The following RSRP1 variants were observed in gnomAD, a reference collection of about 807,000 sequenced individuals.
The protein encoded by RSRP1 is arginine and serine rich protein 1.
RSRP1 carries 37 observed loss-of-function variants against 33.0 expected under a neutral mutation model. The observed-to-expected ratio is 1.12, with a 90% CI of 0.86 to 1.48. RSRP1 has a LOEUF of 1.48. Among genes scored for constraint, RSRP1 ranks in the 40% most tolerant of loss-of-function variants. The probability of loss-of-function intolerance (pLI) is 0.00; values close to 1 mark genes in which losing one functional copy is unlikely to be tolerated. For missense variants in RSRP1, 402 were observed against 385.3 expected (o/e 1.04, Z -0.36); for synonymous variants, 167 against 158.7 (o/e 1.05, Z -0.40).
chr1:25,305,687 G>A lies in RSRP1; in HGVS notation c.-67+32291C>T, dbSNP rs1249730583. Reference sequence around the variant, plus strand: ...GCCATCTCAGCTTACTGCAAGCTCCGCCTCCCGGGTTCACACCATTCTCCT... The same window carrying A: ...GCCATCTCAGCTTACTGCAAGCTCCACCTCCCGGGTTCACACCATTCTCCT... On this transcript the variant is annotated intron_variant, in intron 1 of 1. Coordinates refer to the RSRP1 transcript ENST00000561867. 2.3e-5 allele frequency among the ~76,000 whole-genome samples: 3 copies of A among 128,384 alleles called. 1 individual carries two copies. The highest frequency in any genetic ancestry group is 1.8e-5 in the Non-Finnish European group (1 of 54,820). The allele number at this position is 128,384 out of a possible 152,430, so 84.2% of individuals were successfully genotyped here.
chr1:25,291,149 C>CAGAT lies in RSRP1; in HGVS notation c.-66-44124_-66-44121dup, dbSNP rs1306474266. ...CTAAATAAATAGGTAGGTGGATAGA[C>CAGAT]AGATAGATAGATAGACAGACAGACA... On this transcript the variant is annotated intron_variant, in intron 1 of 1. Coordinates refer to the RSRP1 transcript ENST00000561867. Among the ~76,000 whole-genome samples, 10 of 123,446 alleles carry CAGAT rather than the reference C, an allele frequency of 8.1e-5. 3 individuals are homozygous for CAGAT. Among genetic ancestry groups the CAGAT allele is most frequent in the Non-Finnish European group, 1.3e-4 (7 of 54,580 alleles). The allele number at this position is 123,446 out of a possible 152,430, so 81.0% of individuals were successfully genotyped here.
At chr1:25,280,011 G>A (rs1250870438) in intron 1 of RSRP1, among the ~76,000 whole-genome samples, 1 of 130,068 alleles carries the variant, frequency 7.7e-6, no homozygotes, top group Non-Finnish European at 1.8e-5. Context: ...ATGGATGGGT[G>A]GAAATGGGCC....
Position 25,246,796 on chromosome 1 carries a change from C to A in RSRP1, c.168G>T (p.Arg56Ser). 6.2e-7 allele frequency: 1 copy of A among 1,613,560 alleles called. No homozygotes were observed. The highest frequency in any genetic ancestry group is 8.5e-7 in the Non-Finnish European group (1 of 1,179,758). The change falls in exon 2 of 5, where the codon AGG (arginine) becomes AGT (serine). Residue 56 changes from arginine (R) to serine (S), a missense_variant. Physicochemically the swap from Arg to Ser is moderately radical, Grantham distance 110. Coordinates refer to ENST00000243189, the MANE Select transcript of RSRP1 (RefSeq NM_020317.5). ...GGGACCTGGACTTGCTCCTCCGACTCCTGGACGAAAACCGGCTCGAGACGC... is the reference window on the plus strand; with the variant it reads ...GGGACCTGGACTTGCTCCTCCGACTACTGGACGAAAACCGGCTCGAGACGC... Reference protein sequence around the residue: ...HSRVSSRFSSRSRRSKSRSRS... With the variant: ...HSRVSSRFSSSSRRSKSRSRS...
chr1:25,272,784 C>T (rs1640603056), intron 1 of RSRP1: 1 of 1,319,060 alleles, frequency 7.6e-7, no homozygotes, highest in Non-Finnish European at 1.1e-6. Context: ...CACAGATGTT[C>T]CTTTCTACAA....
In RSRP1 at chr1:25,319,391, G is replaced by A. The variant is rs771998020; in HGVS notation, c.-67+18587C>T. 3.0e-5 allele frequency among the ~76,000 whole-genome samples: 4 copies of A among 132,158 alleles called. 1 individual carries two copies. Among genetic ancestry groups the A allele is most frequent in the African/African-American group, 5.1e-5 (2 of 38,866 alleles). The allele number at this position is 132,158 out of a possible 152,430, so 86.7% of individuals were successfully genotyped here. On this transcript the variant is annotated intron_variant, in intron 1 of 1. Transcript: ENST00000561867. ...AGCACCTTGGGAAGCTGAGGTGGGA[G>A]AATAGCTTGAGGCCAGGAGTTCAAG...
chr1:25,281,649 C>T (rs628336), intron 1 of RSRP1, among the ~76,000 whole-genome samples: 7 of 130,856 alleles, frequency 5.3e-5, no homozygotes, highest in East Asian at 2.0e-4. Context: ...TGTCCCCTGG[C>T]CACACACCCC....
chr1:25,337,990 G>A (rs1645112990), exon 1 of RSRP1: 1 of 152,318 alleles, frequency 6.6e-6, no homozygotes, highest in South Asian at 2.1e-4. Context: ...TTTGCACCAC[G>A]CGGGACCCGG....
At chr1:25,299,150 G>A (rs1182383336) in intron 1 of RSRP1, among the ~76,000 whole-genome samples, 1 of 126,882 alleles carries the variant, frequency 7.9e-6, no homozygotes, top group African/African-American at 2.7e-5. Flanking sequence ...GGGAGGCCAA[G>A]GCGGATGGAT....
intron 1 of RSRP1, chr1:25,322,025 G>A: frequency 2.3e-6 from 2 of 865,396 alleles, no homozygotes; most frequent in Non-Finnish European, 3.9e-6. Flanking sequence ...ACATACCTGA[G>A]TATATATGTT....
intron 1 of RSRP1, among the ~76,000 whole-genome samples, chr1:25,309,580 G>T (rs141193172): frequency 0.017 from 2,232 of 131,766 alleles, 583 homozygotes; most frequent in Non-Finnish European, 0.027. Context: ...AATTTTAATA[G>T]CATCTCTGGA....
intron 1 of RSRP1, among the ~76,000 whole-genome samples, chr1:25,298,310 G>C (rs1185606106): frequency 8.1e-6 from 1 of 122,790 alleles, no homozygotes; most frequent in African/African-American, 2.6e-5. Flanking sequence ...TCTTCATAAC[G>C]ATTGCTTTAA....
At chr1:25,303,454 C>T (rs1643552167) in intron 1 of RSRP1, 1 of 1,379,164 alleles carries the variant, frequency 7.3e-7, no homozygotes, top group Non-Finnish European at 1.0e-6. Flanking sequence ...AGCCAAGTAC[C>T]TGCCGGTAAG....
At position 25,278,500 on chromosome 1, in the gene RSRP1, G is replaced by A. The variant is rs1371864792; in HGVS notation, c.-66-31471C>T. Among the ~76,000 whole-genome samples the A allele has an allele frequency of 3.8e-5, 5 of 131,852 alleles. 2 individuals carry two copies. Among genetic ancestry groups the A allele is most frequent in the African/African-American group, 7.8e-5 (3 of 38,678 alleles). The allele number at this position is 131,852 out of a possible 152,430, so 86.5% of individuals were successfully genotyped here. ...GTTCAGCTGGGCAGTTCTTCTGTTA[G>A]TTTCACCCAGGGTCATTCATGCATC... is the stretch of plus-strand genomic sequence containing the variant. On this transcript the variant is annotated intron_variant, in intron 1 of 1. Transcript: ENST00000561867.
chr1:25,285,585 C>A (rs1172518851), intron 1 of RSRP1, among the ~76,000 whole-genome samples: 1 of 134,882 alleles, frequency 7.4e-6, no homozygotes, highest in Non-Finnish European at 1.8e-5. Context: ...ATGTATGGTG[C>A]CAGAAGTCAG....
chr1:25,310,044 C>T (rs1644059829), intron 1 of RSRP1, among the ~76,000 whole-genome samples: 1 of 132,450 alleles, frequency 7.6e-6, no homozygotes, highest in Non-Finnish European at 1.8e-5. Flanking sequence ...AAATATCATA[C>T]AAGTACCATT....
At position 25,313,873 on chromosome 1, in the gene RSRP1, T is replaced by G. The variant is rs181062370; in HGVS notation, c.-67+24105A>C. On this transcript the variant is annotated intron_variant, in intron 1 of 1. Coordinates refer to the RSRP1 transcript ENST00000561867. ...AGATAAACAACTTTGGCCATTAGTGTGGCCCTGTCATAAATGAATGCCAGA... is the reference window on the plus strand; with the variant it reads ...AGATAAACAACTTTGGCCATTAGTGGGGCCCTGTCATAAATGAATGCCAGA... Among the ~76,000 whole-genome samples, 65 of 133,092 alleles carry G rather than the reference T, an allele frequency of 4.9e-4. 6 individuals are homozygous for G. In the East Asian group the frequency reaches 8.0e-3, roughly 16 times the overall value. The allele number at this position is 133,092 out of a possible 152,430, so 87.3% of individuals were successfully genotyped here.
chr1:25,254,891 C>T (rs28605235), intron 1 of RSRP1, among the ~76,000 whole-genome samples: 6,419 of 152,218 alleles, frequency 0.042, 490 homozygotes, highest in African/African-American at 0.15. Context: ...ACGGAAGAAC[C>T]GATTGGTGCC....
Position 25,320,023 on chromosome 1 carries a change from C to T in RSRP1, c.-67+17955G>A, listed in dbSNP as rs374772531. 4.9e-4 allele frequency among the ~76,000 whole-genome samples: 64 copies of T among 131,366 alleles called. 5 individuals carry two copies. Among genetic ancestry groups the T allele is most frequent in the East Asian group, 2.9e-3 (15 of 5,116 alleles). 86.2% of individuals were successfully genotyped at this position (131,366 alleles called of 152,430 possible). The stretch of plus-strand genomic sequence containing the variant: ...AAGTGATTCTCCTGCCTCAGCCTCC[C>T]GAGTAGCTGGGATTACAGGCATGCA... On this transcript the variant is annotated intron_variant, in intron 1 of 1. Coordinates refer to the RSRP1 transcript ENST00000561867.
chr1:25,252,675 AG>A (rs1376211240), intron 1 of RSRP1, among the ~76,000 whole-genome samples: 1 of 152,000 alleles, frequency 6.6e-6, no homozygotes, highest in Non-Finnish European at 1.5e-5. Context: ...CTGGGATTAC[AG>A]GCGCCAGCAA....
Sources: gnomAD v4.1 joint callset for allele counts (sites outside exome capture counted in the v4.1 genomes callset) on GRCh38, gnomAD v4.1.1 for gene constraint, MANE v1.5 for transcripts, NCBI Gene and HGNC (gene_info 2026-07-23, HGNC 2026-07-21) for gene names.